GALNT17: variants seen among roughly 807,000 people sequenced by gnomAD.
The protein encoded by GALNT17 is polypeptide N-acetylgalactosaminyltransferase 17.
A neutral mutation model predicts 63.7 loss-of-function variants in GALNT17; 29 were observed. The observed-to-expected ratio is 0.46, with a 90% CI of 0.34 to 0.62. The LOEUF (loss-of-function observed/expected upper bound fraction) is 0.62. Among genes scored for constraint, GALNT17 ranks in the 20% least tolerant of loss-of-function variants. The pLI is 0.01. For missense variants in GALNT17, 603 were observed against 799.6 expected (o/e 0.75, Z 2.97); for synonymous variants, 305 against 318.3 (o/e 0.96, Z 0.45).
chr7:71,421,234 G>A (rs1007058782), intron 5 of GALNT17, 129 bp downstream of exon 5: 10 of 947,664 alleles, frequency 1.1e-5, no homozygotes, highest in East Asian at 2.6e-5. Context: ...TCCAGGAGCC[G>A]CCGTTGTCTC....
intron 1 of GALNT17, among the ~76,000 whole-genome samples, chr7:71,316,563 T>C (rs1791505238): frequency 6.6e-6 from 1 of 152,134 alleles, no homozygotes; most frequent in African/African-American, 2.4e-5. Context: ...AGTAAAGGGC[T>C]CCTCCAGGAC....
At chr7:71,604,127 T>TACCAGGTACTATGCTAAGTGCATAC (rs1165866809) in intron 6 of GALNT17, among the ~76,000 whole-genome samples, 1 of 151,964 alleles carries the variant, frequency 6.6e-6, no homozygotes, top group East Asian at 1.9e-4. Context: ...TAAGTGCATA[T>TACCAGGTACTATGCTAAGTGCATAC]ACCAGGTACT....
At chr7:71,335,409 A>T in intron 1 of GALNT17, 141 bp from the exon 2 acceptor site, 2 of 832,274 alleles carry the variant, frequency 2.4e-6, no homozygotes, top group South Asian at 4.7e-5. Flanking sequence ...CAGGGCCTAT[A>T]CCTGAGTTGG....
intron 1 of GALNT17, among the ~76,000 whole-genome samples, chr7:71,331,521 C>T (rs565645511): frequency 6.6e-6 from 1 of 152,186 alleles, no homozygotes; most frequent in East Asian, 1.9e-4. Context: ...CAGCCTGGGG[C>T]ACCATAGCAA....
intron 1 of GALNT17, among the ~76,000 whole-genome samples, chr7:71,275,234 T>C (rs141937497): frequency 6.6e-6 from 1 of 152,250 alleles, no homozygotes; most frequent in East Asian, 1.9e-4. Context: ...AGGGGGGTCC[T>C]TACGTTAATA....
chr7:71,545,751 GTCTTACTTACAGTGGAT>G (rs1788973016), intron 5 of GALNT17, among the ~76,000 whole-genome samples: 1 of 152,144 alleles, frequency 6.6e-6, no homozygotes, highest in African/African-American at 2.4e-5. Flanking sequence ...TATTTGCTGA[GTCTTACTTACAGTGGAT>G]TGTTTCCTCA....
intron 1 of GALNT17, among the ~76,000 whole-genome samples, chr7:71,134,771 G>T (rs1243865690): frequency 6.7e-6 from 1 of 150,116 alleles, no homozygotes; most frequent in Non-Finnish European, 1.5e-5. Flanking sequence ...GGTTAACCTG[G>T]TTTCCCTCAT....
chr7:71,481,366 G>A (rs554904249), intron 5 of GALNT17, among the ~76,000 whole-genome samples: 5 of 152,236 alleles, frequency 3.3e-5, no homozygotes, highest in East Asian at 1.9e-4. Flanking sequence ...CAGGAGAATC[G>A]CTTGAACCCG....
At chr7:71,212,678 C>T (rs1789403848) in intron 1 of GALNT17, among the ~76,000 whole-genome samples, 1 of 152,164 alleles carries the variant, frequency 6.6e-6, no homozygotes, top group Non-Finnish European at 1.5e-5. Context: ...CATGGGAACC[C>T]ACCTCTTGGC....
At chr7:71,509,258 TC>T (rs1268964518) in intron 5 of GALNT17, among the ~76,000 whole-genome samples, 26 of 152,362 alleles carry the variant, frequency 1.7e-4, no homozygotes, top group African/African-American at 6.3e-4. Context: ...ATGTAAGTGT[TC>T]TGAGCACATG....
At position 71,434,074 on chromosome 7, in the gene GALNT17, C is replaced by T. The variant is rs189204901; in HGVS notation, c.962+12969C>T. 7.5e-4 allele frequency among the ~76,000 whole-genome samples: 114 copies of T among 152,310 alleles called. 1 individual carries two copies. Among genetic ancestry groups the T allele is most frequent in the South Asian group, 2.9e-3 (14 of 4,826 alleles). The stretch of plus-strand genomic sequence containing the variant: ...TTCAGCTTTTGGACTCTTGGGCTTA[C>T]ACCAGTGAATTGCCAGGGGCTCTTG... On this transcript the variant is annotated intron_variant, in intron 5 of 10. Coordinates refer to ENST00000333538, the MANE Select transcript of GALNT17 (RefSeq NM_022479.3).
At chr7:71,669,560 CT>C (rs563584462) in intron 7 of GALNT17, among the ~76,000 whole-genome samples, 42,690 of 124,918 alleles carry the variant, frequency 0.34, 6,201 homozygotes, top group Non-Finnish European at 0.41. Context: ...GGCTTAAGAT[CT>C]TTTTTTTTTT....
At chr7:71,603,353 A>G (rs1368499012) in intron 6 of GALNT17, among the ~76,000 whole-genome samples, 4 of 151,954 alleles carry the variant, frequency 2.6e-5, no homozygotes, top group Admixed American at 2.6e-4. Flanking sequence ...TTAAGTGCAT[A>G]CACTGGATAC....
At chr7:71,291,318 T>A (rs1790975981) in intron 1 of GALNT17, among the ~76,000 whole-genome samples, 1 of 152,220 alleles carries the variant, frequency 6.6e-6, no homozygotes, top group Admixed American at 6.5e-5. Flanking sequence ...TTAGAAACAT[T>A]TAACTTTAAT....
At chr7:71,191,277 C>T (rs1217943186) in intron 1 of GALNT17, among the ~76,000 whole-genome samples, 1 of 151,920 alleles carries the variant, frequency 6.6e-6, no homozygotes, top group Non-Finnish European at 1.5e-5. Context: ...GTTTTGCCTG[C>T]TCTAGAACTT....
chr7:71,222,371 C>CA (rs1371044450), intron 1 of GALNT17, among the ~76,000 whole-genome samples: 5 of 152,124 alleles, frequency 3.3e-5, no homozygotes, highest in Admixed American at 6.5e-5. Flanking sequence ...CGGCTCACTG[C>CA]AACCTCTGCC....
intron 6 of GALNT17, among the ~76,000 whole-genome samples, chr7:71,615,350 C>T (rs571982486): frequency 6.6e-6 from 1 of 152,196 alleles, no homozygotes; most frequent in Admixed American, 6.5e-5. Context: ...CATCTGCCAG[C>T]GAGACCTCCG....
At chr7:71,393,707 A>G (rs1156402635) in intron 3 of GALNT17, among the ~76,000 whole-genome samples, 1 of 152,082 alleles carries the variant, frequency 6.6e-6, no homozygotes, top group African/African-American at 2.4e-5. Context: ...GAGACTGCAG[A>G]TTTTCCTTTG....
chr7:71,134,404 A>G (rs747279126), intron 1 of GALNT17, among the ~76,000 whole-genome samples: 3 of 152,158 alleles, frequency 2.0e-5, no homozygotes, highest in Non-Finnish European at 2.9e-5. Context: ...GGGCAGGGAG[A>G]AGGAGGATGG....
Sources: gnomAD v4.1 joint callset for allele counts (sites outside exome capture counted in the v4.1 genomes callset) on GRCh38, gnomAD v4.1.1 for gene constraint, MANE v1.5 for transcripts, NCBI Gene and HGNC (gene_info 2026-07-23, HGNC 2026-07-21) for gene names.